The following NNT variants were observed in gnomAD, a reference collection of about 807,000 sequenced individuals.
NNT encodes the protein nicotinamide nucleotide transhydrogenase.
A neutral mutation model predicts 104.8 loss-of-function variants in NNT; 50 were observed. The ratio of observed to expected loss-of-function variants is 0.48; its 90% CI spans 0.38 to 0.60. The LOEUF is 0.60. Ranked by LOEUF, NNT falls within the 20% of genes least tolerant of loss-of-function variation. The probability of loss-of-function intolerance (pLI) is 0.00; values close to 1 mark genes in which losing one functional copy is unlikely to be tolerated. For missense variants in NNT, 1,131 were observed against 1,330.7 expected (o/e 0.85, Z 2.33); for synonymous variants, 461 against 490.4 (o/e 0.94, Z 0.79).
At chr5:43,604,251 G>C (rs1347406750) in intron 1 of NNT, among the ~76,000 whole-genome samples, 1 of 152,204 alleles carries the variant, frequency 6.6e-6, no homozygotes, top group Non-Finnish European at 1.5e-5. Context: ...CTGTTTGTCA[G>C]GAGTCTTGTA....
intron 19 of NNT, among the ~76,000 whole-genome samples, chr5:43,681,597 G>A (rs1482408916): frequency 2.0e-5 from 3 of 151,878 alleles, no homozygotes; most frequent in Admixed American, 6.6e-5. Flanking sequence ...ACGGGGTTTC[G>A]CCACGTTGGC....
intron 17 of NNT, among the ~76,000 whole-genome samples, chr5:43,672,339 C>T (rs890509886): frequency 8.5e-5 from 13 of 152,210 alleles, no homozygotes; most frequent in Non-Finnish European, 1.8e-4. Flanking sequence ...AGCTGCGTTC[C>T]TTTGGAGGGG....
In NNT at chr5:43,699,720, G is replaced by T. The variant is rs142881445; in HGVS notation, c.2877-399G>T. On this transcript the variant is annotated intron_variant, in intron 19 of 21. Coordinates refer to ENST00000344920, the MANE Select transcript of NNT (RefSeq NM_182977.3). ...AGTCAGCTTTTGATAGAATAATGTT[G>T]ATTTTTCGTGGGAAACATTTAATTC... Among the ~76,000 whole-genome samples the T allele has an allele frequency of 7.0e-3, 1,066 of 152,208 alleles. 3 individuals carry two copies. Among genetic ancestry groups the T allele is most frequent in the Non-Finnish European group, 9.8e-3 (667 of 68,012 alleles).
At chr5:43,623,510 C>G (rs1410615893) in intron 5 of NNT, among the ~76,000 whole-genome samples, 1 of 152,150 alleles carries the variant, frequency 6.6e-6, no homozygotes, top group Non-Finnish European at 1.5e-5. Context: ...ATTGTGGTTG[C>G]TCATCAGCTG....
At chr5:43,626,971 A>G (rs1287703562) in intron 6 of NNT, among the ~76,000 whole-genome samples, 2 of 152,128 alleles carry the variant, frequency 1.3e-5, no homozygotes, top group Non-Finnish European at 2.9e-5. Context: ...CTATATCCCT[A>G]TGGCTGCCAC....
intron 17 of NNT, among the ~76,000 whole-genome samples, chr5:43,675,177 A>G (rs1400259410): frequency 2.0e-5 from 3 of 152,202 alleles, no homozygotes; most frequent in East Asian, 1.9e-4. Context: ...AAATTGTTCA[A>G]TCAGCATTCA....
intron 19 of NNT, among the ~76,000 whole-genome samples, chr5:43,690,164 C>T (rs1362315406): frequency 6.6e-6 from 1 of 152,094 alleles, no homozygotes; most frequent in Non-Finnish European, 1.5e-5. Context: ...CCTAGTAAAA[C>T]TCAAAGAACA....
chr5:43,677,812 C>G lies in NNT; in HGVS notation c.2876+6C>G, dbSNP rs144007922. 1.2e-5 allele frequency: 19 copies of G among 1,608,688 alleles called. No individual in the cohort carries two copies. The South Asian group carries it at 2.0e-4, about 17-fold the overall frequency. On this transcript the variant is annotated splice_donor_region_variant and intron_variant, in intron 19 of 21. Transcript: ENST00000344920. ...GAGCAAGGCAAAAAAGTCAGGTAAG[C>G]GTTTGCAGTGGAGAGGCTTGCACTA...
intron 9 of NNT, among the ~76,000 whole-genome samples, 191 bp from the exon 10 acceptor site, chr5:43,645,166 A>G (rs557887253): frequency 9.8e-5 from 15 of 152,326 alleles, no homozygotes; most frequent in African/African-American, 2.9e-4. Flanking sequence ...TTGTATATGT[A>G]ACATGGATAT....
chr5:43,659,273 C>G lies in NNT; in HGVS notation c.2557C>G (p.Leu853Val). 3 of 1,614,042 alleles carry G rather than the reference C, an allele frequency of 1.9e-6. No individual in the cohort carries two copies. In the East Asian group the frequency reaches 6.7e-5, roughly 36 times the overall value. Reference sequence around the variant, plus strand: ...GGCCCTGTGTGCAGAGGGCTTCCTGCTCAACAACAATCTGCTGACCATCGT... The same window carrying G: ...GGCCCTGTGTGCAGAGGGCTTCCTGGTCAACAACAATCTGCTGACCATCGT... ...GWALCAEGFL[L>V]NNNLLTIVGA... The change falls in exon 17 of 22, where the codon CTC becomes GTC. Residue 853 changes from leucine (L) to valine (V), a missense_variant. Physicochemically the swap from Leu to Val is conservative, Grantham distance 32 (BLOSUM62 1). Coordinates refer to ENST00000344920, the MANE Select transcript of NNT (RefSeq NM_182977.3).
At chr5:43,622,955 C>CT (rs1750175454) in intron 5 of NNT, among the ~76,000 whole-genome samples, 1 of 138,756 alleles carries the variant, frequency 7.2e-6, no homozygotes. Context: ...TTCTTTCTTT[C>CT]TTTTTTTCTT....
At position 43,613,236 on chromosome 5, in the gene NNT, C is replaced by T. The variant is rs867975295; in HGVS notation, c.381+99C>T. The T allele has an allele frequency of 1.9e-5, 17 of 917,240 alleles. No individual in the cohort carries two copies. In the South Asian group the frequency reaches 3.0e-4, roughly 16 times the overall value. The allele number at this position is 917,240 out of a possible 1,614,324, so 56.8% of individuals were successfully genotyped here. A position where few individuals can be genotyped will look rare whatever the true frequency, so the allele number is the denominator to read the frequency against. On this transcript the variant is annotated intron_variant, in intron 3 of 21. Transcript: ENST00000344920. ...ACTTTATCTGGAGTTACACCTTTTC[C>T]TATTTTCAAACAGTGTATTTTTCTC...
intron 7 of NNT, among the ~76,000 whole-genome samples, chr5:43,642,623 G>A (rs1751298175): frequency 6.6e-6 from 1 of 152,160 alleles, no homozygotes; most frequent in Non-Finnish European, 1.5e-5. Context: ...GGCTGAAATA[G>A]AAGAAGGTCC....
chr5:43,667,324 A>C (rs1471216744), intron 17 of NNT: 1 of 594,418 alleles, frequency 1.7e-6, no homozygotes, highest in Admixed American at 2.9e-5. Context: ...CACAACGTGC[A>C]GGTTTGTTAC....
At chr5:43,680,370 C>A (rs1741639274) in intron 19 of NNT, among the ~76,000 whole-genome samples, 1 of 151,922 alleles carries the variant, frequency 6.6e-6, no homozygotes, top group Non-Finnish European at 1.5e-5. Context: ...TTACAGTTTG[C>A]AGTAATTTAG....
intron 15 of NNT, 140 bp from the exon 16 acceptor site, chr5:43,656,513 G>A: frequency 1.4e-6 from 1 of 709,660 alleles, no homozygotes; most frequent in Non-Finnish European, 2.2e-6. Context: ...GGGACTAGTT[G>A]ACTTTTGATA....
chr5:43,694,657 TGATGTGCTGCTG>T (rs1488987195), intron 19 of NNT, among the ~76,000 whole-genome samples: 1 of 152,148 alleles, frequency 6.6e-6, no homozygotes, highest in Non-Finnish European at 1.5e-5. Flanking sequence ...ATTAGCTTTT[TGATGTGCTGCTG>T]GATTTGGTTT....
rs1749934482 is a variant in NNT, at chr5:43,619,078, ACTG to A, written c.647_649del (p.Thr216_Gly217delinsSer). 2 of 1,557,384 alleles carry A rather than the reference ACTG, an allele frequency of 1.3e-6. No individual in the cohort carries two copies. Among genetic ancestry groups the A allele is most frequent in the African/African-American group, 1.4e-5 (1 of 73,356 alleles). On this transcript the variant is annotated inframe_deletion, in exon 5 of 22. Transcript: ENST00000344920. The stretch of plus-strand genomic sequence containing the variant: ...AGCAAATCATTTTGGACGTTTTTTT[ACTG>A]GTCAGATCACAGCTGCTGGAAAAGT...
At position 43,704,422 on chromosome 5, in the gene NNT, GT is replaced by G. The variant is rs1561337978; in HGVS notation, c.*20del. 1 of 1,612,630 alleles carries G rather than the reference GT, an allele frequency of 6.2e-7. No homozygotes were observed. Among genetic ancestry groups the G allele is most frequent in the East Asian group, 2.2e-5 (1 of 44,788 alleles). On this transcript the variant is annotated 3_prime_UTR_variant, in exon 22 of 22. Transcript: ENST00000344920. Reference sequence around the variant, plus strand: ...AGAAGTAAATATTAAGGATCAAGCTGTTAGCTAATAATGCCACCTCTGCAGT... The same window carrying G: ...AGAAGTAAATATTAAGGATCAAGCTGTAGCTAATAATGCCACCTCTGCAGT...
Sources: allele counts gnomAD v4.1 joint callset (sites outside exome capture counted in the v4.1 genomes callset), GRCh38; gene constraint gnomAD v4.1.1; transcripts MANE v1.5; gene names NCBI Gene and HGNC (gene_info 2026-07-23, HGNC 2026-07-21).